Variants in PTPN4 observed in about 807,000 individuals in gnomAD.
PTPN4 encodes the protein tyrosine-protein phosphatase non-receptor type 4.
Under a neutral mutation model 135.5 loss-of-function variants are expected in PTPN4, and 49 were observed. That is an observed-to-expected ratio of 0.36 (90% CI 0.29 to 0.46). The LOEUF (loss-of-function observed/expected upper bound fraction) is 0.46. Among genes scored for constraint, PTPN4 ranks in the 20% least tolerant of loss-of-function variants. The pLI is 1.00. For missense variants in PTPN4, 860 were observed against 1,101.0 expected (o/e 0.78, Z 3.10); for synonymous variants, 333 against 369.9 (o/e 0.90, Z 1.14).
intron 12 of PTPN4, among the ~76,000 whole-genome samples, chr2:119,925,132 A>G (rs945546642): frequency 5.2e-4 from 79 of 152,246 alleles, no homozygotes; most frequent in African/African-American, 1.9e-3. Flanking sequence ...TACTGCTTTA[A>G]TCAAGGATGG....
At chr2:119,949,372 TGTTTTTGTATGAATACATAATA>T (rs1409195104) in intron 18 of PTPN4, among the ~76,000 whole-genome samples, 1 of 152,208 alleles carries the variant, frequency 6.6e-6, no homozygotes, top group Non-Finnish European at 1.5e-5. Flanking sequence ...AAAAGGTTTC[TGTTTTTGTATGAATACATAATA>T]GTTGTACATG....
At chr2:119,844,502 G>A (rs1677452489) in intron 2 of PTPN4, among the ~76,000 whole-genome samples, 1 of 147,572 alleles carries the variant, frequency 6.8e-6, no homozygotes, top group African/African-American at 2.5e-5. Flanking sequence ...CAGACGGGGT[G>A]GTTGCCGGGC....
At chr2:119,843,632 A>C (rs113925977) in intron 2 of PTPN4, among the ~76,000 whole-genome samples, 1 of 76,596 alleles carries the variant, frequency 1.3e-5, no homozygotes, top group South Asian at 5.2e-4. Flanking sequence ...GACCCCCCCC[A>C]CCTTCCCTCC....
At chr2:119,962,264 G>C (rs926279351) in intron 23 of PTPN4, among the ~76,000 whole-genome samples, 14 of 152,266 alleles carry the variant, frequency 9.2e-5, no homozygotes, top group Admixed American at 8.5e-4. Flanking sequence ...AGACCAGCCT[G>C]ACCAATATGG....
chr2:119,902,906 C>G (rs754560456), intron 10 of PTPN4, among the ~76,000 whole-genome samples: 19 of 152,298 alleles, frequency 1.2e-4, no homozygotes, highest in African/African-American at 4.3e-4. Flanking sequence ...TACACACCCC[C>G]TAAGACCCAG....
chr2:119,790,271 C>T (rs959547042), intron 1 of PTPN4, among the ~76,000 whole-genome samples: 1 of 151,958 alleles, frequency 6.6e-6, no homozygotes, highest in Non-Finnish European at 1.5e-5. Flanking sequence ...TATTTTTCTG[C>T]ATATTTTATT....
intron 24 of PTPN4, 45 bp from the exon 25 acceptor site, chr2:119,965,452 C>T (rs942433521): frequency 2.6e-6 from 4 of 1,535,748 alleles, no homozygotes; most frequent in Non-Finnish European, 3.5e-6. Flanking sequence ...GGGACAATTT[C>T]AATAATACAT....
chr2:119,843,531 G>C (rs1251835103), intron 2 of PTPN4, among the ~76,000 whole-genome samples: 5 of 118,890 alleles, frequency 4.2e-5, no homozygotes, highest in Admixed American at 3.2e-4. Flanking sequence ...GGTGGTGGCC[G>C]GGCAGAGGGG....
intron 2 of PTPN4, among the ~76,000 whole-genome samples, chr2:119,837,776 A>G (rs1416110093): frequency 6.6e-6 from 1 of 151,734 alleles, no homozygotes; most frequent in Non-Finnish European, 1.5e-5. Flanking sequence ...TGGCATCTCC[A>G]AGCTTCCAGG....
At chr2:119,834,991 G>C (rs1288361291) in intron 2 of PTPN4, among the ~76,000 whole-genome samples, 1 of 152,078 alleles carries the variant, frequency 6.6e-6, no homozygotes, top group Non-Finnish European at 1.5e-5. Context: ...CTTACATATA[G>C]ACAGCATTTT....
chr2:119,943,443 G>A (rs570424197), intron 15 of PTPN4, among the ~76,000 whole-genome samples: 57 of 152,114 alleles, frequency 3.7e-4, no homozygotes, highest in African/African-American at 1.1e-3. Context: ...TGTACATTAT[G>A]TGTCATCTGT....
At chr2:119,971,054 G>T (rs1018660927) in intron 26 of PTPN4, among the ~76,000 whole-genome samples, 1 of 152,156 alleles carries the variant, frequency 6.6e-6, no homozygotes, top group Non-Finnish European at 1.5e-5. Flanking sequence ...GTATTAGTCT[G>T]TTTTCACACT....
chr2:119,768,285 C>A (rs1690670789), intron 1 of PTPN4, among the ~76,000 whole-genome samples: 1 of 152,058 alleles, frequency 6.6e-6, no homozygotes, highest in South Asian at 2.1e-4. Context: ...ACAAGATGTT[C>A]CAGATGATCT....
At chr2:119,806,758 A>G (rs2104945947) in intron 1 of PTPN4, among the ~76,000 whole-genome samples, 2 of 152,294 alleles carry the variant, frequency 1.3e-5, no homozygotes, top group Admixed American at 1.3e-4. Flanking sequence ...TCCACCCCAA[A>G]TCAGCAGAAT....
At chr2:119,832,580 G>A (rs1325065821) in intron 2 of PTPN4, among the ~76,000 whole-genome samples, 2 of 151,936 alleles carry the variant, frequency 1.3e-5, no homozygotes, top group Non-Finnish European at 2.9e-5. Context: ...TTTTCTGTAT[G>A]ATGTGAAATA....
intron 1 of PTPN4, among the ~76,000 whole-genome samples, chr2:119,779,388 C>T (rs1690896175): frequency 1.3e-5 from 2 of 152,140 alleles, no homozygotes; most frequent in African/African-American, 2.4e-5. Context: ...GAGCCCGAGG[C>T]AGGCGTATCA....
intron 2 of PTPN4, among the ~76,000 whole-genome samples, chr2:119,823,734 A>G (rs961509574): frequency 2.0e-5 from 3 of 152,170 alleles, no homozygotes; most frequent in Non-Finnish European, 4.4e-5. Flanking sequence ...ACTGAGAGAG[A>G]GAGGCTGTAT....
At chr2:119,904,449 G>A (rs565702595) in intron 10 of PTPN4, among the ~76,000 whole-genome samples, 1 of 152,026 alleles carries the variant, frequency 6.6e-6, no homozygotes, top group Non-Finnish European at 1.5e-5. Flanking sequence ...TTTCAGAAGA[G>A]TTGGGCAAAG....
intron 2 of PTPN4, among the ~76,000 whole-genome samples, chr2:119,848,474 A>G (rs1677540457): frequency 6.7e-6 from 1 of 149,574 alleles, no homozygotes; most frequent in Non-Finnish European, 1.5e-5. Context: ...CACCCAGCCC[A>G]CATCCACATT....
Sources: allele counts gnomAD v4.1 joint callset (sites outside exome capture counted in the v4.1 genomes callset), GRCh38; gene constraint gnomAD v4.1.1; transcripts MANE v1.5; gene names NCBI Gene and HGNC (gene_info 2026-07-23, HGNC 2026-07-21).